The following ACSBG2 variants were observed in gnomAD, a reference collection of about 807,000 sequenced individuals.
ACSBG2 encodes long-chain-fatty-acid--CoA ligase ACSBG2.
In ACSBG2, 62 loss-of-function variants were observed where a neutral mutation model predicts 74.7. The observed-to-expected ratio is 0.83, with a 90% CI of 0.68 to 1.03. The LOEUF is 1.03. ACSBG2 is among the 50% of genes least tolerant of loss of function. ACSBG2 has a pLI of 0.00. For synonymous variants in ACSBG2, 309 were observed against 294.1 expected (o/e 1.05, Z -0.52); for missense variants, 730 against 817.6 (o/e 0.89, Z 1.31).
chr19:6,161,306 G>C lies in ACSBG2; in HGVS notation c.588+11G>C, dbSNP rs759573070. On this transcript the variant is annotated intron_variant, in intron 6 of 14. Coordinates refer to ENST00000588485, the MANE Select transcript of ACSBG2 (RefSeq NM_030924.5). ...AACAACTTGTACTCTGTAAGTGTGG[G>C]AGGTGGGCACTGGGGAAAGGGGAGG... The C allele has an allele frequency of 6.2e-7, 1 of 1,610,742 alleles. No homozygotes were observed. The highest frequency in any genetic ancestry group is 2.2e-5 in the East Asian group (1 of 44,816).
chr19:6,151,923 T>G, intron 4 of ACSBG2, 128 bp downstream of exon 4: 1 of 766,566 alleles, frequency 1.3e-6, no homozygotes, highest in South Asian at 1.7e-5. Context: ...GCAGGCAGGA[T>G]AGATGCACGA....
intron 7 of ACSBG2, among the ~76,000 whole-genome samples, chr19:6,170,393 TG>T (rs1265744054): frequency 6.6e-6 from 1 of 152,198 alleles, no homozygotes; most frequent in African/African-American, 2.4e-5. Flanking sequence ...TATTGATTTG[TG>T]TATGTTGAAC....
At chr19:6,166,332 T>G (rs898529986) in intron 7 of ACSBG2, among the ~76,000 whole-genome samples, 7 of 76,816 alleles carry the variant, frequency 9.1e-5, no homozygotes, top group African/African-American at 5.9e-4. Flanking sequence ...GTGTGTGTGT[T>G]TTGAGATGGG....
At position 6,185,669 on chromosome 19, in the gene ACSBG2, C is replaced by T; in HGVS notation, c.1540+16C>T. On this transcript the variant is annotated intron_variant, in intron 11 of 14. Transcript: ENST00000588485. ...CACATCAAAGGTACCAGGGGCTGAG[C>T]TCTTTGGGAATCTCCTGCAAGCAGG... 1 of 1,613,428 alleles carries T rather than the reference C, an allele frequency of 6.2e-7. No individual in the cohort carries two copies. Among genetic ancestry groups the T allele is most frequent in the South Asian group, 1.1e-5 (1 of 91,036 alleles).
chr19:6,149,561 G>A (rs2089161270), intron 3 of ACSBG2, among the ~76,000 whole-genome samples: 1 of 149,568 alleles, frequency 6.7e-6, no homozygotes, highest in African/African-American at 2.5e-5. Flanking sequence ...AGGCTGGAGT[G>A]CAGTGGCACG....
intron 6 of ACSBG2, among the ~76,000 whole-genome samples, chr19:6,163,212 G>A (rs7508545): frequency 0.43 from 36,746 of 85,336 alleles, 10,509 homozygotes; most frequent in Non-Finnish European, 0.53. Context: ...CACTTTGGGA[G>A]GCTGAGGCGG....
intron 8 of ACSBG2, 136 bp from the exon 9 acceptor site, chr19:6,182,615 C>T: frequency 3.6e-6 from 3 of 823,432 alleles, no homozygotes; most frequent in Non-Finnish European, 1.9e-6. Flanking sequence ...GGGTTGTCTC[C>T]TTTTGGTTGG....
chr19:6,173,170 G>A (rs1488150568), intron 7 of ACSBG2, among the ~76,000 whole-genome samples: 1 of 152,156 alleles, frequency 6.6e-6, no homozygotes, highest in African/African-American at 2.4e-5. Context: ...CCATGCCAAG[G>A]GTTAGATCTT....
At chr19:6,152,981 C>T (rs12104257) in intron 4 of ACSBG2, among the ~76,000 whole-genome samples, 9,153 of 152,214 alleles carry the variant, frequency 0.06, 850 homozygotes, top group African/African-American at 0.2. Flanking sequence ...TGGTGGCTCA[C>T]GCCTGTAATC....
At chr19:6,173,253 T>C (rs1390910997) in intron 7 of ACSBG2, among the ~76,000 whole-genome samples, 2 of 152,002 alleles carry the variant, frequency 1.3e-5, no homozygotes, top group African/African-American at 2.4e-5. Context: ...TTGTGGGGTA[T>C]GTTTGTGGGG....
intron 2 of ACSBG2, among the ~76,000 whole-genome samples, chr19:6,143,194 A>G (rs1238630290): frequency 1.3e-5 from 2 of 151,348 alleles, no homozygotes; most frequent in South Asian, 2.1e-4. Context: ...ACAGTCATGC[A>G]CCACCGTGCC....
intron 7 of ACSBG2, among the ~76,000 whole-genome samples, chr19:6,166,280 T>TGTGTGTGTGTGTGTGTG (rs2089799967): frequency 1.7e-5 from 2 of 119,146 alleles, no homozygotes; most frequent in African/African-American, 7.5e-5. Flanking sequence ...GTCAGGAAGG[T>TGTGTGTGTGTGTGTGTG]TGTGTGTGTG....
chr19:6,166,544 C>G (rs1261676874), intron 7 of ACSBG2, among the ~76,000 whole-genome samples: 1 of 152,140 alleles, frequency 6.6e-6, no homozygotes, highest in Non-Finnish European at 1.5e-5. Flanking sequence ...GAACTCCTGA[C>G]CTCAGGTGAT....
intron 7 of ACSBG2, among the ~76,000 whole-genome samples, chr19:6,170,248 T>C (rs1206165234): frequency 6.6e-6 from 1 of 152,154 alleles, no homozygotes; most frequent in African/African-American, 2.4e-5. Flanking sequence ...TATTTTGGGG[T>C]ATATTCCTTG....
Position 6,156,482 on chromosome 19 carries a change from T to C in ACSBG2, c.438T>C (p.Tyr146=), listed in dbSNP as rs1185572922. 2.5e-6 allele frequency: 4 copies of C among 1,596,008 alleles called. No individual in the cohort carries two copies. In the South Asian group the frequency reaches 4.6e-5, roughly 18 times the overall value. The change falls in exon 5 of 15, where the codon TAT becomes TAC. Residue 146 remains tyrosine, a synonymous_variant. Coordinates refer to ENST00000588485, the MANE Select transcript of ACSBG2 (RefSeq NM_030924.5). ...YATNSAEVCQ[Y]VITHAKVNIL... is the part of the protein sequence containing the mutation. ...CCAACTCTGCCGAGGTTTGTCAATATGTCATCACTCATGCCAAAGTGAACA... is the reference window on the plus strand; with the variant it reads ...CCAACTCTGCCGAGGTTTGTCAATACGTCATCACTCATGCCAAAGTGAACA...
At chr19:6,148,730 G>A (rs1439240336) in intron 3 of ACSBG2, among the ~76,000 whole-genome samples, 1 of 151,992 alleles carries the variant, frequency 6.6e-6, no homozygotes, top group African/African-American at 2.4e-5. Flanking sequence ...GCTGTGGCTA[G>A]TTCATCTCTC....
intron 14 of ACSBG2, chr19:6,191,299 CA>C (rs1568262827): frequency 6.6e-6 from 1 of 150,784 alleles, no homozygotes; most frequent in Non-Finnish European, 1.5e-5. Context: ...AATGCATCTT[CA>C]ATTGTCCTAT....
At chr19:6,177,875 A>AGTGTGTGT (rs3036311) in intron 8 of ACSBG2, among the ~76,000 whole-genome samples, 1,534 of 143,490 alleles carry the variant, frequency 0.011, 17 homozygotes, top group Non-Finnish European at 0.014. Flanking sequence ...GAAAGTAAAG[A>AGTGTGTGT]GTGTGTGTGT....
intron 3 of ACSBG2, among the ~76,000 whole-genome samples, chr19:6,150,489 A>G (rs1329381963): frequency 6.6e-6 from 1 of 152,172 alleles, no homozygotes; most frequent in African/African-American, 2.4e-5. Context: ...TGGTCCGCCC[A>G]TACAAGGGAA....
Sources: allele counts gnomAD v4.1 joint callset (sites outside exome capture counted in the v4.1 genomes callset), GRCh38; gene constraint gnomAD v4.1.1; transcripts MANE v1.5; gene names NCBI Gene and HGNC (gene_info 2026-07-23, HGNC 2026-07-21).